The following HSPA4L variants were observed in gnomAD, a reference collection of about 807,000 sequenced individuals.
The protein encoded by HSPA4L is heat shock 70 kDa protein 4L.
Under a neutral mutation model 100.3 loss-of-function variants are expected in HSPA4L, and 48 were observed. The ratio of observed to expected loss-of-function variants is 0.48; its 90% CI spans 0.38 to 0.61. The LOEUF (loss-of-function observed/expected upper bound fraction) is 0.61, where lower values mean the gene tolerates loss of function less well. HSPA4L is among the 20% of genes least tolerant of loss of function. The probability of loss-of-function intolerance (pLI) is 0.00; values close to 1 mark genes in which losing one functional copy is unlikely to be tolerated. For synonymous variants in HSPA4L, 319 were observed against 328.2 expected (o/e 0.97, Z 0.30); for missense variants, 886 against 988.6 (o/e 0.90, Z 1.39).
rs530451095 is a variant in HSPA4L, at chr4:127,784,873, T to C, written c.107+2216T>C. On this transcript the variant is annotated intron_variant, in intron 1 of 18. Coordinates refer to ENST00000296464, the MANE Select transcript of HSPA4L (RefSeq NM_014278.4). ...TAACACACATAAATAAAATGTTAGC[T>C]TTGCAAATAAAATGTTTTTCATATT... is the stretch of plus-strand genomic sequence containing the variant. Among the ~76,000 whole-genome samples the C allele has an allele frequency of 1.2e-3, 187 of 152,378 alleles. 1 individual carries two copies. Among genetic ancestry groups the C allele is most frequent in the African/African-American group, 4.3e-3 (178 of 41,590 alleles).
At position 127,830,788 on chromosome 4, in the gene HSPA4L, G is replaced by A; in HGVS notation, c.2317G>A (p.Ala773Thr). 6.3e-7 allele frequency: 1 copy of A among 1,583,444 alleles called. No homozygotes were observed. Among genetic ancestry groups the A allele is most frequent in the South Asian group, 1.2e-5 (1 of 84,730 alleles). ...DPVVKVSEIV[A>T]KSKELDNFCN... Reference sequence around the variant, plus strand: ...TGTGGTAAAAGTTTCAGAAATAGTAGCAAAGTCAAAGGTAAGAAGTTTATG... The same window carrying A: ...TGTGGTAAAAGTTTCAGAAATAGTAACAAAGTCAAAGGTAAGAAGTTTATG... Residue 773 changes from alanine to threonine, a missense_variant, in exon 18 of 19, where the codon GCA becomes ACA. Physicochemically the swap from Ala to Thr is moderately conservative, Grantham distance 58 (BLOSUM62 0). Transcript: ENST00000296464.
rs7684389 is a variant in HSPA4L, at chr4:127,831,259, G to T, written c.2328+460G>T. Among the ~76,000 whole-genome samples the T allele has an allele frequency of 5.5e-3, 844 of 152,120 alleles. 10 individuals carry two copies. Among genetic ancestry groups the T allele is most frequent in the African/African-American group, 0.019 (791 of 41,488 alleles). ...TCACGTCTGTAATCCCAGCACTTTG[G>T]GGGGGTTGAGACAGGCGGACTGCTT... On this transcript the variant is annotated intron_variant, in intron 18 of 18. Coordinates refer to ENST00000296464, the MANE Select transcript of HSPA4L (RefSeq NM_014278.4).
At chr4:127,803,329 T>C (rs1733247419) in intron 6 of HSPA4L, among the ~76,000 whole-genome samples, 1 of 149,576 alleles carries the variant, frequency 6.7e-6, no homozygotes, top group African/African-American at 2.5e-5. Context: ...AGTGCTGTTG[T>C]AGAACCAAGT....
chr4:127,807,636 G>C (rs1311298982), intron 10 of HSPA4L, among the ~76,000 whole-genome samples: 2 of 152,058 alleles, frequency 1.3e-5, no homozygotes, highest in Non-Finnish European at 2.9e-5. Flanking sequence ...ATTAAAGGTA[G>C]CCAGAATTAA....
chr4:127,786,326 C>G (rs1732716516), intron 1 of HSPA4L, among the ~76,000 whole-genome samples: 1 of 152,166 alleles, frequency 6.6e-6, no homozygotes, highest in Non-Finnish European at 1.5e-5. Flanking sequence ...ATATACGTAA[C>G]TAGGTTAATG....
At chr4:127,822,197 C>G (rs898469397) in intron 14 of HSPA4L, among the ~76,000 whole-genome samples, 5 of 152,158 alleles carry the variant, frequency 3.3e-5, no homozygotes, top group African/African-American at 1.2e-4. Context: ...TCCCAGTTCC[C>G]TACTTTCTGT....
intron 8 of HSPA4L, 108 bp downstream of exon 8, chr4:127,804,195 T>G: frequency 1.2e-6 from 1 of 805,786 alleles, no homozygotes. Flanking sequence ...TAAAAAGATT[T>G]ATATTTCTCA....
chr4:127,791,565 A>G (rs559062367), intron 1 of HSPA4L, among the ~76,000 whole-genome samples: 1 of 152,210 alleles, frequency 6.6e-6, no homozygotes, highest in Admixed American at 6.5e-5. Flanking sequence ...TGGGATGGTG[A>G]AGATCTAGTC....
Position 127,801,848 on chromosome 4 carries a change from T to C in HSPA4L, c.593T>C (p.Val198Ala). The change falls in exon 6 of 19, where the codon GTA becomes GCA. Residue 198 changes from valine to alanine, a missense_variant. By Grantham distance (64) the Val-to-Ala change is moderately conservative (BLOSUM62 0). Transcript: ENST00000296464. ...CCATTAGATGAGAAACCAAGAAATG[T>C]AGTATTTATTGATATGGGACATTCT... is the stretch of plus-strand genomic sequence containing the variant. ...LPPLDEKPRN[V>A]VFIDMGHSAY... is the part of the protein sequence containing the mutation. The C allele has an allele frequency of 1.2e-6, 2 of 1,609,454 alleles. No individual in the cohort carries two copies. The highest frequency in any genetic ancestry group is 1.7e-6 in the Non-Finnish European group (2 of 1,176,632).
chr4:127,803,799 T>G lies in HSPA4L; in HGVS notation c.834T>G (p.Ser278Arg). 6.2e-7 allele frequency: 1 copy of G among 1,613,818 alleles called. No homozygotes were observed. The highest frequency in any genetic ancestry group is 8.5e-7 in the Non-Finnish European group (1 of 1,179,822). The change falls in exon 7 of 19, where the codon AGT becomes AGG. Residue 278 changes from serine (S) to arginine (R), a missense_variant. Ser to Arg is a moderately radical substitution (Grantham distance 110). Transcript: ENST00000296464. Reference protein sequence around the residue: ...QECEKLKKLMSANASDLPLNI... With the variant: ...QECEKLKKLMRANASDLPLNI... ...GTGAAAAACTAAAGAAGCTAATGAG[T>G]GCAAATGCATCAGATCTTCCATTGA...
At chr4:127,808,917 C>T (rs994579444) in intron 11 of HSPA4L, among the ~76,000 whole-genome samples, 1 of 152,004 alleles carries the variant, frequency 6.6e-6, no homozygotes, top group African/African-American at 2.4e-5. Context: ...AGTGAGACTC[C>T]CTCTATCAAA....
chr4:127,789,483 A>G (rs1476015598), intron 1 of HSPA4L, among the ~76,000 whole-genome samples: 2 of 151,886 alleles, frequency 1.3e-5, no homozygotes, highest in African/African-American at 2.4e-5. Context: ...TGTCTCTACT[A>G]AAAATACAAA....
At chr4:127,803,911 A>G (rs1353073591) in intron 7 of HSPA4L, 38 bp downstream of exon 7, 3 of 1,608,406 alleles carry the variant, frequency 1.9e-6, no homozygotes, top group Non-Finnish European at 8.5e-7. Context: ...GTGTTTACTT[A>G]TTTTATAATG....
intron 11 of HSPA4L, chr4:127,809,338 CT>C: frequency 8.7e-7 from 1 of 1,146,972 alleles, no homozygotes; most frequent in Non-Finnish European, 1.3e-6. Context: ...TGGGATCACG[CT>C]GAGCCGCAGT....
chr4:127,832,246 T>A (rs993167059), intron 18 of HSPA4L, among the ~76,000 whole-genome samples: 2 of 152,114 alleles, frequency 1.3e-5, no homozygotes, highest in African/African-American at 2.4e-5. Context: ...CAAAAAAAAA[T>A]GTCGTTTGTG....
In HSPA4L at chr4:127,798,715, T is replaced by A; in HGVS notation, c.429+6T>A. On this transcript the variant is annotated splice_donor_region_variant and intron_variant, in intron 4 of 18. Coordinates refer to ENST00000296464, the MANE Select transcript of HSPA4L (RefSeq NM_014278.4). ...TGGCTGACTGTGTGATTTCAGTAAG[T>A]TTTACTTCAGTAATGAATACCCTTG... is the stretch of plus-strand genomic sequence containing the variant. The A allele has an allele frequency of 6.2e-7, 1 of 1,612,918 alleles. No homozygotes were observed. The highest frequency in any genetic ancestry group is 8.5e-7 in the Non-Finnish European group (1 of 1,179,190).
Position 127,827,371 on chromosome 4 carries a change from T to A in HSPA4L, c.2113T>A (p.Leu705Met). The A allele has an allele frequency of 6.2e-7, 1 of 1,613,674 alleles. No homozygotes were observed. Among genetic ancestry groups the A allele is most frequent in the East Asian group, 2.2e-5 (1 of 44,834 alleles). ...AGAGAGACCAAAAGCCTTAAATGACTTGGGAAAAAAGATCCAACTTGTCAT... is the reference window on the plus strand; with the variant it reads ...AGAGAGACCAAAAGCCTTAAATGACATGGGAAAAAAGATCCAACTTGTCAT... ...HEERPKALNDLGKKIQLVMKV... is the reference protein window; with the variant it reads ...HEERPKALNDMGKKIQLVMKV... The change falls in exon 17 of 19, where the codon TTG becomes ATG. Residue 705 changes from leucine (L) to methionine (M), a missense_variant. Coordinates refer to ENST00000296464, the MANE Select transcript of HSPA4L (RefSeq NM_014278.4).
chr4:127,810,243 A>G (rs533447627), intron 11 of HSPA4L, among the ~76,000 whole-genome samples: 1 of 152,330 alleles, frequency 6.6e-6, no homozygotes, highest in South Asian at 2.1e-4. Flanking sequence ...AAGGATTTTC[A>G]AATTTTAAAT....
intron 12 of HSPA4L, chr4:127,813,414 A>G: frequency 2.2e-6 from 1 of 445,090 alleles, no homozygotes; most frequent in Non-Finnish European, 3.9e-6. Context: ...TCCATGTATC[A>G]TTTTGTAATC....
Sources: allele counts gnomAD v4.1 joint callset (sites outside exome capture counted in the v4.1 genomes callset), GRCh38; gene constraint gnomAD v4.1.1; transcripts MANE v1.5; gene names NCBI Gene and HGNC (gene_info 2026-07-23, HGNC 2026-07-21).